Variants in PSTPIP1 observed in about 807,000 individuals in gnomAD.
PSTPIP1 encodes the protein proline-serine-threonine phosphatase-interacting protein 1.
A neutral mutation model predicts 69.6 loss-of-function variants in PSTPIP1; 66 were observed. That is an observed-to-expected ratio of 0.95 (90% CI 0.78 to 1.16). The LOEUF (loss-of-function observed/expected upper bound fraction) is 1.16, where lower values mean the gene tolerates loss of function less well. PSTPIP1 is among the 50% of genes most tolerant of loss of function. PSTPIP1 has a pLI of 0.00. For synonymous variants in PSTPIP1, 266 were observed against 222.7 expected (o/e 1.19, Z -1.73); for missense variants, 603 against 557.4 (o/e 1.08, Z -0.82).
intron 13 of PSTPIP1, 66 bp from the exon 14 acceptor site, chr15:77,035,736 C>G: frequency 6.5e-7 from 1 of 1,531,908 alleles, no homozygotes; most frequent in Non-Finnish European, 8.7e-7. Context: ...AAACCCCATT[C>G]TAGTAGGACT....
At position 77,032,395 on chromosome 15, in the gene PSTPIP1, G is replaced by A. The variant is rs1247834862; in HGVS notation, c.838+1G>A. The A allele has an allele frequency of 6.2e-7, 1 of 1,612,652 alleles. No individual in the cohort carries two copies. The highest frequency in any genetic ancestry group is 8.5e-7 in the Non-Finnish European group (1 of 1,179,782). ...AAGAGCACGGGCACAGAGCCCCCCG[G>A]TGAGGTCCGGCTTGCGGACAGCGCA... On this transcript the variant is annotated splice_donor_variant, in intron 11 of 14. Coordinates refer to ENST00000558012, the MANE Select transcript of PSTPIP1 (RefSeq NM_003978.5). LOFTEE classifies it high-confidence loss of function.
chr15:77,032,221 G>A (rs928092013), intron 10 of PSTPIP1, 77 bp from the exon 11 acceptor site: 10 of 1,460,890 alleles, frequency 6.8e-6, no homozygotes, highest in Non-Finnish European at 8.5e-6. Flanking sequence ...GGTGGGTGGG[G>A]GCCGCTGGTC....
rs2076025527 is a variant in PSTPIP1 at position 77,015,247 on chromosome 15, C to T, written c.37-2901C>T. Among the ~76,000 whole-genome samples, 7 of 152,160 alleles carry T rather than the reference C, an allele frequency of 4.6e-5. No individual in the cohort carries two copies. The South Asian group carries it at 1.4e-3, about 32-fold the overall frequency. On this transcript the variant is annotated intron_variant, in intron 1 of 14. Transcript: ENST00000558012. The stretch of plus-strand genomic sequence containing the variant: ...AAATAGAAAATGGTTCCTGGGCTGT[C>T]TACTAAATGGCTGATGTAGGTATAT...
At chr15:77,008,434 G>A (rs915825136) in intron 1 of PSTPIP1, among the ~76,000 whole-genome samples, 5 of 152,132 alleles carry the variant, frequency 3.3e-5, no homozygotes, top group African/African-American at 9.7e-5. Context: ...TTTTGAGACA[G>A]AGTCCCACTC....
At chr15:77,005,566 GGCAT>G (rs2075798636) in intron 1 of PSTPIP1, among the ~76,000 whole-genome samples, 2 of 152,134 alleles carry the variant, frequency 1.3e-5, no homozygotes, top group African/African-American at 4.8e-5. Flanking sequence ...ATGATTCAGA[GGCAT>G]TAAGAACATT....
chr15:77,035,024 TCAG>T (rs2076522497), intron 12 of PSTPIP1, among the ~76,000 whole-genome samples: 1 of 152,148 alleles, frequency 6.6e-6, no homozygotes, highest in Admixed American at 6.5e-5. Flanking sequence ...AGTGGAGGCC[TCAG>T]CAGGGCACGT....
At chr15:77,003,655 CAA>C (rs35480677) in intron 1 of PSTPIP1, among the ~76,000 whole-genome samples, 191 of 137,284 alleles carry the variant, frequency 1.4e-3, no homozygotes, top group Admixed American at 1.9e-3. Context: ...AACTCCGTCT[CAA>C]AAAAAAAAAA....
At position 77,035,796 on chromosome 15, in the gene PSTPIP1, T is replaced by C; in HGVS notation, c.986-6T>C. 1 of 1,604,740 alleles carries C rather than the reference T, an allele frequency of 6.2e-7. No homozygotes were observed. Among genetic ancestry groups the C allele is most frequent in the South Asian group, 1.1e-5 (1 of 90,858 alleles). ...GGGAGGGGTCTATGTCTCACCCTGCTCTTAGCGTCCACAGAGACCCTGACC... is the reference window on the plus strand; with the variant it reads ...GGGAGGGGTCTATGTCTCACCCTGCCCTTAGCGTCCACAGAGACCCTGACC... On this transcript the variant is annotated splice_polypyrimidine_tract_variant and splice_region_variant and intron_variant, in intron 13 of 14. Transcript: ENST00000558012.
intron 1 of PSTPIP1, among the ~76,000 whole-genome samples, chr15:77,017,195 CT>C (rs752558971): frequency 1.7e-4 from 26 of 152,138 alleles, no homozygotes; most frequent in Non-Finnish European, 3.1e-4. Flanking sequence ...CCGGGACCCA[CT>C]CCCCAAGCCT....
intron 3 of PSTPIP1, among the ~76,000 whole-genome samples, chr15:77,020,315 C>T (rs772096060): frequency 8.5e-5 from 13 of 152,136 alleles, no homozygotes; most frequent in Non-Finnish European, 1.6e-4. Context: ...CTGGATGGTC[C>T]TCCCTGTCTC....
intron 11 of PSTPIP1, 42 bp from the exon 12 acceptor site, chr15:77,032,820 G>C (rs2076453666): frequency 2.0e-6 from 3 of 1,510,510 alleles, no homozygotes; most frequent in Non-Finnish European, 2.7e-6. Flanking sequence ...CCAGAATGGG[G>C]TGTTGGGGGC....
chr15:77,009,536 T>C (rs916853427), intron 1 of PSTPIP1, among the ~76,000 whole-genome samples: 2 of 152,186 alleles, frequency 1.3e-5, no homozygotes, highest in African/African-American at 4.8e-5. Context: ...GTGTCCCAGC[T>C]AGGATCAAAC....
At chr15:77,010,007 C>T (rs2075901275) in intron 1 of PSTPIP1, among the ~76,000 whole-genome samples, 2 of 152,180 alleles carry the variant, frequency 1.3e-5, no homozygotes, top group African/African-American at 4.8e-5. Context: ...TGTGAAGACG[C>T]CTGGACCCCT....
chr15:77,031,320 C>G, intron 10 of PSTPIP1, 42 bp downstream of exon 10: 1 of 1,588,574 alleles, frequency 6.3e-7, no homozygotes, highest in South Asian at 1.1e-5. Context: ...GTAGGGCAGC[C>G]TCTAGGCAGC....
intron 10 of PSTPIP1, chr15:77,031,717 C>T (rs2076421912): frequency 5.5e-6 from 1 of 183,240 alleles, no homozygotes; most frequent in African/African-American, 2.4e-5. Flanking sequence ...TTACTGAGCC[C>T]AACCTGCTGG....
chr15:77,002,524 G>A (rs535890888), intron 1 of PSTPIP1, among the ~76,000 whole-genome samples: 1 of 152,324 alleles, frequency 6.6e-6, no homozygotes, highest in Non-Finnish European at 1.5e-5. Flanking sequence ...TGGTTTGCTA[G>A]CATGCCCTTT....
At chr15:77,013,719 C>A (rs2075992113) in intron 1 of PSTPIP1, among the ~76,000 whole-genome samples, 1 of 152,168 alleles carries the variant, frequency 6.6e-6, no homozygotes, top group Admixed American at 6.5e-5. Flanking sequence ...CCTTCCACGG[C>A]CCCCACTTGG....
chr15:77,024,339 T>C (rs1235503283), intron 3 of PSTPIP1: 1 of 152,460 alleles, frequency 6.6e-6, no homozygotes, highest in African/African-American at 2.4e-5. Context: ...GCCAGGCTAC[T>C]GCTCCTCCTT....
intron 3 of PSTPIP1, among the ~76,000 whole-genome samples, chr15:77,022,552 C>T (rs894261956): frequency 6.6e-5 from 10 of 152,106 alleles, no homozygotes; most frequent in African/African-American, 2.4e-4. Context: ...CCTGCACAGA[C>T]GGTGGGAGGA....
Sources: gnomAD v4.1 joint callset for allele counts (sites outside exome capture counted in the v4.1 genomes callset) on GRCh38, gnomAD v4.1.1 for gene constraint, MANE v1.5 for transcripts, NCBI Gene and HGNC (gene_info 2026-07-23, HGNC 2026-07-21) for gene names.